SLC20A2: variants seen among roughly 807,000 people sequenced by gnomAD.
SLC20A2 encodes solute carrier family 20 member 2.
Under a neutral mutation model 61.0 loss-of-function variants are expected in SLC20A2, and 30 were observed. The ratio of observed to expected loss-of-function variants is 0.49; its 90% CI spans 0.37 to 0.67. The LOEUF (loss-of-function observed/expected upper bound fraction) is 0.67, where lower values mean the gene tolerates loss of function less well. Ranked by LOEUF, SLC20A2 falls within the 30% of genes least tolerant of loss-of-function variation. The pLI, the probability that SLC20A2 is intolerant of heterozygous loss-of-function variation, is 0.00. For synonymous variants in SLC20A2, 351 were observed against 353.3 expected (o/e 0.99, Z 0.07); for missense variants, 626 against 866.4 (o/e 0.72, Z 3.48).
chr8:42,530,884 T>C (rs868635476), intron 1 of SLC20A2, among the ~76,000 whole-genome samples: 25 of 151,944 alleles, frequency 1.6e-4, no homozygotes, highest in African/African-American at 5.1e-4. Context: ...CCTTGCTAAT[T>C]TTCTTTGTAT....
intron 1 of SLC20A2, among the ~76,000 whole-genome samples, chr8:42,486,791 G>A (rs1809046719): frequency 6.6e-6 from 1 of 152,148 alleles, no homozygotes; most frequent in African/African-American, 2.4e-5. Context: ...AACTGAATTT[G>A]GCTAAGTTGT....
At chr8:42,491,540 G>C (rs372611056) in intron 1 of SLC20A2, among the ~76,000 whole-genome samples, 4 of 151,424 alleles carry the variant, frequency 2.6e-5, no homozygotes, top group Admixed American at 6.6e-5. Flanking sequence ...GCATGGTGGC[G>C]GGCACCTGTA....
At chr8:42,459,830 A>G in intron 5 of SLC20A2, 66 bp downstream of exon 5, 1 of 1,059,798 alleles carries the variant, frequency 9.4e-7, no homozygotes, top group East Asian at 2.5e-5. Flanking sequence ...ACCAGCACCA[A>G]ATAAACTGAT....
At chr8:42,504,075 G>A (rs1346736027), upstream of SLC20A2, among the ~76,000 whole-genome samples, 1 of 152,108 alleles carries the variant, frequency 6.6e-6, no homozygotes, top group African/African-American at 2.4e-5. Flanking sequence ...GAGTAGCTGG[G>A]ACTACAGGCA....
chr8:42,517,439 G>C (rs749592941), intron 1 of SLC20A2, among the ~76,000 whole-genome samples: 1 of 151,794 alleles, frequency 6.6e-6, no homozygotes, highest in Non-Finnish European at 1.5e-5. Flanking sequence ...TGGGAACTTA[G>C]AGTACCTTAC....
intron 5 of SLC20A2, among the ~76,000 whole-genome samples, chr8:42,452,811 G>A (rs1805851017): frequency 1.3e-5 from 2 of 152,146 alleles, no homozygotes; most frequent in Non-Finnish European, 2.9e-5. Context: ...CAGGAACCAG[G>A]CCTGGTTAAG....
At chr8:42,469,904 G>C (rs1167000187) in intron 2 of SLC20A2, among the ~76,000 whole-genome samples, 1 of 151,302 alleles carries the variant, frequency 6.6e-6, no homozygotes, top group Non-Finnish European at 1.5e-5. Context: ...CTCCAGCCTG[G>C]GCAACAAAGC....
chr8:42,459,874 T>G (rs768692250), intron 5 of SLC20A2, 22 bp downstream of exon 5: 10 of 1,497,428 alleles, frequency 6.7e-6, no homozygotes, highest in African/African-American at 1.4e-5. Flanking sequence ...GCCCCTGGAG[T>G]ATGCTTCCAA....
chr8:42,527,684 C>T (rs1812063259), intron 1 of SLC20A2, among the ~76,000 whole-genome samples: 1 of 151,984 alleles, frequency 6.6e-6, no homozygotes, highest in Non-Finnish European at 1.5e-5. Context: ...AGGAGAATCG[C>T]TTAAACCCAG....
chr8:42,541,758 C>G (rs1813202078), intron 1 of SLC20A2: 1 of 149,458 alleles, frequency 6.7e-6, no homozygotes, highest in Admixed American at 6.6e-5. Context: ...GCCGCGTCAC[C>G]CGGCCCCGCC....
At chr8:42,443,206 T>C (rs1264251401) in intron 6 of SLC20A2, among the ~76,000 whole-genome samples, 2 of 143,192 alleles carry the variant, frequency 1.4e-5, no homozygotes, top group East Asian at 4.0e-4. Flanking sequence ...TATAGTATAA[T>C]TGTATTATAC....
intron 1 of SLC20A2, 59 bp downstream of exon 1, chr8:42,500,972 T>C (rs1449589979): frequency 1.3e-5 from 2 of 152,148 alleles, no homozygotes; most frequent in Admixed American, 6.5e-5. Flanking sequence ...ACGGTAACAT[T>C]AGGAAGATTT....
At chr8:42,506,701 T>C (rs994964291) in intron 1 of SLC20A2, among the ~76,000 whole-genome samples, 3 of 152,238 alleles carry the variant, frequency 2.0e-5, no homozygotes, top group African/African-American at 7.2e-5. Context: ...CTCCGTGATA[T>C]GGTCTCATGT....
chr8:42,448,672 C>T (rs1259503593), intron 5 of SLC20A2, among the ~76,000 whole-genome samples: 1 of 152,144 alleles, frequency 6.6e-6, no homozygotes, highest in Non-Finnish European at 1.5e-5. Flanking sequence ...GCAGGGGAAG[C>T]AGGAGAGAAA....
intron 1 of SLC20A2, among the ~76,000 whole-genome samples, chr8:42,494,984 A>C (rs7464935): frequency 0.37 from 55,914 of 151,408 alleles, 10,664 homozygotes; most frequent in East Asian, 0.43. Flanking sequence ...GTAGCTGGGA[A>C]TACAGGCATG....
intron 1 of SLC20A2, chr8:42,538,129 A>G (rs965709469): frequency 6.6e-6 from 1 of 151,958 alleles, no homozygotes; most frequent in Non-Finnish European, 1.5e-5. Flanking sequence ...TGCCTAACTA[A>G]AATATAACCT....
upstream of SLC20A2, among the ~76,000 whole-genome samples, chr8:42,504,880 A>AAAAAAAG: frequency 6.9e-6 from 1 of 144,764 alleles, no homozygotes; most frequent in Non-Finnish European, 1.5e-5. Context: ...AAAAAAAAAA[A>AAAAAAAG]AAAAAAGGCA....
At chr8:42,460,154 T>C in intron 4 of SLC20A2, 162 bp from the exon 5 acceptor site, 1 of 540,604 alleles carries the variant, frequency 1.8e-6, no homozygotes, top group African/African-American at 1.9e-5. Flanking sequence ...GCTCCACTTC[T>C]GCAGAAATGG....
intron 8 of SLC20A2, among the ~76,000 whole-genome samples, chr8:42,434,376 C>A (rs1563449136): frequency 6.6e-6 from 1 of 151,008 alleles, no homozygotes; most frequent in Non-Finnish European, 1.5e-5. Context: ...CGTGAGCCAC[C>A]ACACCCGGCC....
Sources: allele counts gnomAD v4.1 joint callset (sites outside exome capture counted in the v4.1 genomes callset), GRCh38; gene constraint gnomAD v4.1.1; transcripts MANE v1.5; gene names NCBI Gene and HGNC (gene_info 2026-07-23, HGNC 2026-07-21).